The following ADGRL3 variants were observed in gnomAD, a reference collection of about 807,000 sequenced individuals.
The protein encoded by ADGRL3 is adhesion G protein-coupled receptor L3.
ADGRL3 carries 62 observed loss-of-function variants against 153.5 expected under a neutral mutation model. The observed-to-expected ratio is 0.40, with a 90% CI of 0.33 to 0.50. The LOEUF (loss-of-function observed/expected upper bound fraction) is 0.50. Among genes scored for constraint, ADGRL3 ranks in the 20% least tolerant of loss-of-function variants. The pLI, the probability that ADGRL3 is intolerant of heterozygous loss-of-function variation, is 0.47. For missense variants in ADGRL3, 1,641 were observed against 1,859.4 expected (o/e 0.88, Z 2.16); for synonymous variants, 710 against 672.5 (o/e 1.06, Z -0.86).
At chr4:61,486,609 A>G (rs2098197306) in intron 2 of ADGRL3, among the ~76,000 whole-genome samples, 1 of 152,208 alleles carries the variant, frequency 6.6e-6, no homozygotes, top group Non-Finnish European at 1.5e-5. Flanking sequence ...TTCAACTTTG[A>G]AGATATATTT....
intron 8 of ADGRL3, among the ~76,000 whole-genome samples, chr4:61,812,407 G>A (rs539991685): frequency 3.3e-5 from 5 of 152,286 alleles, no homozygotes; most frequent in African/African-American, 1.2e-4. Context: ...AATCAGCGGA[G>A]CTTATTACAA....
intron 24 of ADGRL3, among the ~76,000 whole-genome samples, chr4:62,041,730 T>C (rs911321935): frequency 5.9e-5 from 9 of 152,260 alleles, no homozygotes; most frequent in Non-Finnish European, 1.3e-4. Context: ...TGTAGTCTTC[T>C]CTGACTTGGG....
At chr4:61,995,834 TG>T (rs2099119816) in intron 19 of ADGRL3, among the ~76,000 whole-genome samples, 1 of 152,162 alleles carries the variant, frequency 6.6e-6, no homozygotes, top group Non-Finnish European at 1.5e-5. Context: ...TTCAATCTTC[TG>T]ATACCAAATT....
chr4:61,830,029 G>A (rs1453013595), intron 9 of ADGRL3, among the ~76,000 whole-genome samples: 1 of 146,442 alleles, frequency 6.8e-6, no homozygotes, highest in Admixed American at 6.8e-5. Flanking sequence ...TTTTTTTTTT[G>A]AGACAGATTC....
intron 6 of ADGRL3, among the ~76,000 whole-genome samples, chr4:61,689,469 G>A (rs1329855793): frequency 1.3e-5 from 2 of 152,120 alleles, no homozygotes; most frequent in Admixed American, 1.3e-4. Context: ...CTTAGAATAA[G>A]TGAAATAGTC....
At chr4:61,993,164 T>TTATGTGTGTG (rs1553904369) in intron 19 of ADGRL3, among the ~76,000 whole-genome samples, 1 of 138,424 alleles carries the variant, frequency 7.2e-6, no homozygotes, top group Non-Finnish European at 1.5e-5. Flanking sequence ...TGGGCTGCAG[T>TTATGTGTGTG]TGTGTGTGTG....
intron 6 of ADGRL3, among the ~76,000 whole-genome samples, chr4:61,694,176 ATTATTTTTTTTTTTTTTTTTTTTT>A (rs2095595600): frequency 5.3e-5 from 5 of 94,692 alleles, no homozygotes; most frequent in Admixed American, 1.1e-4. Context: ...AAATTTTGTC[ATTATTTTTTTTTTTTTTTTTTTTT>A]TTTTTTTTTT....
At chr4:61,873,928 G>A (rs1371760413) in intron 9 of ADGRL3, among the ~76,000 whole-genome samples, 1 of 152,052 alleles carries the variant, frequency 6.6e-6, no homozygotes, top group Non-Finnish European at 1.5e-5. Context: ...GAAAAGAATT[G>A]TGTGGCCTAA....
At chr4:61,469,529 G>A (rs558788569) in intron 2 of ADGRL3, among the ~76,000 whole-genome samples, 5 of 151,960 alleles carry the variant, frequency 3.3e-5, no homozygotes, top group African/African-American at 1.2e-4. Flanking sequence ...TATGATTCAA[G>A]TCTGTGTTTC....
intron 17 of ADGRL3, among the ~76,000 whole-genome samples, chr4:61,974,079 C>T (rs2099039307): frequency 6.6e-6 from 1 of 152,014 alleles, no homozygotes. Context: ...GCCATCCTGC[C>T]ACCTCAGCTT....
chr4:61,681,939 A>T (rs1274814868), intron 6 of ADGRL3, among the ~76,000 whole-genome samples: 1 of 152,046 alleles, frequency 6.6e-6, no homozygotes, highest in East Asian at 1.9e-4. Flanking sequence ...TCATATATAC[A>T]GTAGACATTC....
intron 1 of ADGRL3, among the ~76,000 whole-genome samples, chr4:61,262,699 A>G (rs573629504): frequency 1.3e-5 from 2 of 152,230 alleles, no homozygotes; most frequent in Non-Finnish European, 2.9e-5. Flanking sequence ...AGAAAAAGAA[A>G]ACAGGAGCTG....
chr4:61,598,701 G>C (rs1449417501), intron 5 of ADGRL3, among the ~76,000 whole-genome samples: 2 of 151,934 alleles, frequency 1.3e-5, no homozygotes, highest in African/African-American at 4.8e-5. Flanking sequence ...AGTATATAAG[G>C]TATATATGAC....
At chr4:61,853,968 T>C (rs1462709586) in intron 9 of ADGRL3, among the ~76,000 whole-genome samples, 1 of 152,214 alleles carries the variant, frequency 6.6e-6, no homozygotes, top group East Asian at 1.9e-4. Context: ...TCTTTTCTGG[T>C]AATTATGGAT....
At chr4:61,617,695 G>A (rs749292665) in intron 5 of ADGRL3, among the ~76,000 whole-genome samples, 108 of 152,168 alleles carry the variant, frequency 7.1e-4, no homozygotes, top group Non-Finnish European at 8.8e-4. Context: ...CCACTTCAAT[G>A]TTTCTTGCAC....
At chr4:61,443,975 G>A (rs2097553770) in intron 2 of ADGRL3, among the ~76,000 whole-genome samples, 1 of 152,084 alleles carries the variant, frequency 6.6e-6, no homozygotes, top group Non-Finnish European at 1.5e-5. Flanking sequence ...TGTAGTATCA[G>A]TGTGTGCCTG....
chr4:61,403,054 C>G (rs62305275), intron 2 of ADGRL3, among the ~76,000 whole-genome samples: 3 of 151,470 alleles, frequency 2.0e-5, no homozygotes, highest in African/African-American at 7.3e-5. Flanking sequence ...GGCCTTTCCT[C>G]TTTGTGTGCA....
At chr4:61,317,928 C>A (rs978453009) in intron 1 of ADGRL3, among the ~76,000 whole-genome samples, 2 of 152,084 alleles carry the variant, frequency 1.3e-5, no homozygotes, top group Non-Finnish European at 2.9e-5. Flanking sequence ...GTAATCCCAG[C>A]ATTTTGGGAG....
At position 61,703,847 on chromosome 4, in the gene ADGRL3, C is replaced by CT. The variant is rs879364284; in HGVS notation, c.584-26764dup. ...TGTTTGCTTTGATTTTTATTTTAGT[C>CT]TTTTTTTTTTTCCTACATAAATAAA... is the stretch of plus-strand genomic sequence containing the variant. On this transcript the variant is annotated intron_variant, in intron 6 of 26. Transcript: ENST00000683033. Among the ~76,000 whole-genome samples, 787 of 145,294 alleles carry CT rather than the reference C, an allele frequency of 5.4e-3. 4 individuals are homozygous for CT. Among genetic ancestry groups the CT allele is most frequent in the African/African-American group, 0.016 (654 of 39,876 alleles).
Sources: gnomAD v4.1 joint callset for allele counts (sites outside exome capture counted in the v4.1 genomes callset) on GRCh38, gnomAD v4.1.1 for gene constraint, MANE v1.5 for transcripts, NCBI Gene and HGNC (gene_info 2026-07-23, HGNC 2026-07-21) for gene names.